The following ATG10 variants were observed in gnomAD, a reference collection of about 807,000 sequenced individuals.
ATG10 encodes autophagy related 10, also known as ubiquitin-like-conjugating enzyme ATG10.
Under a neutral mutation model 32.1 loss-of-function variants are expected in ATG10, and 30 were observed. The observed-to-expected ratio is 0.94, with a 90% CI of 0.70 to 1.27. ATG10 has a LOEUF of 1.27. ATG10 is among the 50% of genes most tolerant of loss of function. The pLI, the probability that ATG10 is intolerant of heterozygous loss-of-function variation, is 0.00. For missense variants in ATG10, 233 were observed against 262.3 expected, an observed-to-expected ratio of 0.89 and a Z score of 0.77; for synonymous variants, 87 against 91.5, an observed-to-expected ratio of 0.95 and a Z score of 0.28.
At chr5:81,984,072 A>AGGCGGCTGGGAGGT (rs1761175892) in intron 1 of ATG10, among the ~76,000 whole-genome samples, 1 of 152,218 alleles carries the variant, frequency 6.6e-6, no homozygotes, top group African/African-American at 2.4e-5. Context: ...AGGCCAAGGC[A>AGGCGGCTGGGAGGT]GGCGGCTGGG....
intron 3 of ATG10, among the ~76,000 whole-genome samples, chr5:82,097,109 A>G (rs1037699008): frequency 5.9e-5 from 9 of 152,158 alleles, no homozygotes; most frequent in Non-Finnish European, 1.3e-4. Context: ...GTTTTGTAGA[A>G]CAGAGTTTTT....
intron 5 of ATG10, among the ~76,000 whole-genome samples, chr5:82,196,054 C>A (rs1483145274): frequency 6.6e-6 from 1 of 152,120 alleles, no homozygotes; most frequent in Non-Finnish European, 1.5e-5. Context: ...GTCCACTTGG[C>A]ATTATCTTTC....
chr5:82,145,588 C>T (rs1413676949), intron 3 of ATG10, among the ~76,000 whole-genome samples: 1 of 152,088 alleles, frequency 6.6e-6, no homozygotes, highest in Non-Finnish European at 1.5e-5. Context: ...TATATGTATA[C>T]ACATTATGAA....
intron 4 of ATG10, among the ~76,000 whole-genome samples, chr5:82,167,358 TTGTGTG>T (rs1743622937): frequency 6.6e-6 from 1 of 152,184 alleles, no homozygotes; most frequent in Admixed American, 6.5e-5. Flanking sequence ...ATTTATGGCT[TTGTGTG>T]TATACATGTA....
chr5:82,224,534 G>T (rs777541731), intron 5 of ATG10, among the ~76,000 whole-genome samples: 56 of 152,118 alleles, frequency 3.7e-4, no homozygotes, highest in Non-Finnish European at 7.1e-4. Flanking sequence ...TATGAATCGG[G>T]TATTTGCATG....
At chr5:82,193,914 T>C (rs995634057) in intron 5 of ATG10, among the ~76,000 whole-genome samples, 42 of 152,214 alleles carry the variant, frequency 2.8e-4, no homozygotes, top group African/African-American at 1.0e-3. Context: ...TGGACTTTGC[T>C]TTAGGAGAAT....
chr5:82,058,460 C>A (rs1172054848), intron 2 of ATG10, 35 bp from the exon 3 acceptor site: 1 of 1,434,302 alleles, frequency 7.0e-7, no homozygotes, highest in Non-Finnish European at 9.8e-7. Flanking sequence ...AAATAATTGG[C>A]ATTTTCTTAT....
intron 2 of ATG10, among the ~76,000 whole-genome samples, chr5:82,000,723 C>T (rs1323116402): frequency 6.6e-6 from 1 of 152,148 alleles, no homozygotes; most frequent in Non-Finnish European, 1.5e-5. Context: ...GTGGCACAAT[C>T]TCGGCTCACT....
At chr5:82,115,568 T>C (rs1369190897) in intron 3 of ATG10, among the ~76,000 whole-genome samples, 2 of 152,112 alleles carry the variant, frequency 1.3e-5, no homozygotes, top group African/African-American at 4.8e-5. Flanking sequence ...TACTCAGCCA[T>C]TAAATGGCAG....
chr5:82,034,624 G>A (rs759189030), intron 2 of ATG10, among the ~76,000 whole-genome samples: 3 of 151,962 alleles, frequency 2.0e-5, no homozygotes, highest in Admixed American at 1.3e-4. Context: ...GGTTCCTCTC[G>A]TCTTTCTTCT....
intron 5 of ATG10, among the ~76,000 whole-genome samples, chr5:82,209,265 T>G (rs1170790168): frequency 6.6e-6 from 1 of 152,080 alleles, no homozygotes; most frequent in Non-Finnish European, 1.5e-5. Flanking sequence ...CATGGTTTTT[T>G]TCTACTGTTA....
chr5:82,225,367 A>T (rs556121310), intron 5 of ATG10, among the ~76,000 whole-genome samples: 1 of 152,192 alleles, frequency 6.6e-6, no homozygotes, highest in Non-Finnish European at 1.5e-5. Flanking sequence ...TTTGCTTTCG[A>T]TCATTTAAGT....
chr5:82,112,785 TA>T (rs1246727175), intron 3 of ATG10, among the ~76,000 whole-genome samples: 10 of 152,052 alleles, frequency 6.6e-5, no homozygotes, highest in African/African-American at 2.4e-4. Flanking sequence ...AAGATTTTCT[TA>T]AATCAAGGTA....
At chr5:82,237,016 A>T (rs1462751856) in intron 5 of ATG10, among the ~76,000 whole-genome samples, 1 of 151,948 alleles carries the variant, frequency 6.6e-6, no homozygotes, top group Non-Finnish European at 1.5e-5. Context: ...CCCCTTTTTT[A>T]AAACTATAAA....
At chr5:82,155,496 T>A (rs564732534) in intron 3 of ATG10, among the ~76,000 whole-genome samples, 28 of 152,300 alleles carry the variant, frequency 1.8e-4, no homozygotes, top group African/African-American at 6.3e-4. Flanking sequence ...CACGTACCTT[T>A]GTTTACATGT....
At chr5:81,988,693 C>CA (rs1272011220) in intron 2 of ATG10, among the ~76,000 whole-genome samples, 10 of 152,154 alleles carry the variant, frequency 6.6e-5, no homozygotes, top group Non-Finnish European at 1.3e-4. Flanking sequence ...CTCCACCTCC[C>CA]AAAGTGCTGG....
intron 5 of ATG10, among the ~76,000 whole-genome samples, chr5:82,193,842 G>C (rs545858020): frequency 6.6e-6 from 1 of 152,292 alleles, no homozygotes; most frequent in South Asian, 2.1e-4. Flanking sequence ...GGATGATAAA[G>C]AATAGAAAGG....
intron 2 of ATG10, among the ~76,000 whole-genome samples, chr5:81,992,952 A>T (rs748612596): frequency 4.6e-5 from 7 of 152,184 alleles, no homozygotes; most frequent in Non-Finnish European, 7.3e-5. Flanking sequence ...TGAGGGTGGA[A>T]TGCTCTTGAC....
chr5:82,108,624 GTTGT>G (rs1052699918), intron 3 of ATG10, among the ~76,000 whole-genome samples: 1 of 151,950 alleles, frequency 6.6e-6, no homozygotes, highest in African/African-American at 2.4e-5. Flanking sequence ...CAAATTCTAG[GTTGT>G]TTGAGTCTAA....
Sources: allele counts gnomAD v4.1 joint callset (sites outside exome capture counted in the v4.1 genomes callset), GRCh38; gene constraint gnomAD v4.1.1; transcripts MANE v1.5; gene names NCBI Gene and HGNC (gene_info 2026-07-23, HGNC 2026-07-21).